The following KCNMA1 variants were observed in gnomAD, a reference collection of about 807,000 sequenced individuals.
KCNMA1 encodes the protein potassium calcium-activated channel subfamily M alpha 1, also known as Calcium-activated potassium channel subunit alpha-1.
Under a neutral mutation model 140.0 loss-of-function variants are expected in KCNMA1, and 29 were observed. That is an observed-to-expected ratio of 0.21 (90% CI 0.15 to 0.28). KCNMA1 has a LOEUF of 0.28. Among genes scored for constraint, KCNMA1 ranks in the 10% least tolerant of loss-of-function variants. KCNMA1 has a pLI of 1.00. For missense variants in KCNMA1, 880 were observed against 1,602.2 expected, an observed-to-expected ratio of 0.55 and a Z score of 7.70; for synonymous variants, 612 against 611.9, an observed-to-expected ratio of 1.00 and a Z score of 0.00.
chr10:77,275,778 G>A (rs528369800), intron 2 of KCNMA1, among the ~76,000 whole-genome samples: 1 of 152,198 alleles, frequency 6.6e-6, no homozygotes, highest in East Asian at 1.9e-4. Context: ...TAGATGAGAG[G>A]AGCACAGGAC....
intron 1 of KCNMA1, among the ~76,000 whole-genome samples, chr10:77,463,318 T>C (rs1464600543): frequency 1.3e-5 from 2 of 152,178 alleles, no homozygotes; most frequent in Non-Finnish European, 2.9e-5. Context: ...ACCATCACAC[T>C]GTACTGTGTT....
chr10:77,320,250 C>T (rs770263828), intron 2 of KCNMA1, among the ~76,000 whole-genome samples: 1 of 151,336 alleles, frequency 6.6e-6, no homozygotes, highest in Non-Finnish European at 1.5e-5. Context: ...AAGAAATATG[C>T]TCTGGGAAGT....
At chr10:77,247,284 C>T (rs2058742929) in intron 3 of KCNMA1, among the ~76,000 whole-genome samples, 1 of 152,202 alleles carries the variant, frequency 6.6e-6, no homozygotes, top group Non-Finnish European at 1.5e-5. Flanking sequence ...TCTGTCTCTT[C>T]CAACTTTCTC....
chr10:77,563,990 G>A (rs1025483387), intron 1 of KCNMA1, among the ~76,000 whole-genome samples: 1 of 152,210 alleles, frequency 6.6e-6, no homozygotes, highest in Non-Finnish European at 1.5e-5. Context: ...GATGTGAACA[G>A]GCTTCAGAAT....
intron 1 of KCNMA1, among the ~76,000 whole-genome samples, chr10:77,547,667 C>A (rs747427113): frequency 7.9e-5 from 12 of 152,188 alleles, no homozygotes; most frequent in Non-Finnish European, 4.4e-5. Context: ...AGTAAATATT[C>A]TCTTAAAAAG....
At chr10:77,050,650 A>C (rs531972921) in intron 14 of KCNMA1, among the ~76,000 whole-genome samples, 1 of 152,320 alleles carries the variant, frequency 6.6e-6, no homozygotes, top group African/African-American at 2.4e-5. Context: ...ATGAGTCTGC[A>C]TTTCTAACAA....
chr10:77,555,446 C>A (rs949464070), intron 1 of KCNMA1, among the ~76,000 whole-genome samples: 4 of 152,098 alleles, frequency 2.6e-5, no homozygotes, highest in Non-Finnish European at 5.9e-5. Flanking sequence ...AAGGAAGAGC[C>A]AACCTCTCTT....
At chr10:77,398,260 T>C (rs1000775440) in intron 2 of KCNMA1, among the ~76,000 whole-genome samples, 2 of 152,172 alleles carry the variant, frequency 1.3e-5, no homozygotes, top group Non-Finnish European at 2.9e-5. Flanking sequence ...AAGTTCTGTT[T>C]TCACTTCTTT....
chr10:77,328,991 C>T (rs998180687), intron 2 of KCNMA1, among the ~76,000 whole-genome samples: 1 of 152,022 alleles, frequency 6.6e-6, no homozygotes, highest in Admixed American at 6.5e-5. Context: ...CAGGCGCCTG[C>T]CACCATGCCC....
chr10:77,131,662 C>T (rs954805176), intron 5 of KCNMA1, among the ~76,000 whole-genome samples: 2 of 151,132 alleles, frequency 1.3e-5, no homozygotes, highest in African/African-American at 2.4e-5. Flanking sequence ...GCATTCTCTT[C>T]GTGAAAATTT....
intron 2 of KCNMA1, among the ~76,000 whole-genome samples, chr10:77,293,067 G>C (rs1368787673): frequency 6.6e-6 from 1 of 152,150 alleles, no homozygotes; most frequent in Non-Finnish European, 1.5e-5. Context: ...GTAGGTCAAA[G>C]GTCTCCCAGG....
At chr10:77,554,615 A>AAAG (rs2063720874) in intron 1 of KCNMA1, among the ~76,000 whole-genome samples, 1 of 144,712 alleles carries the variant, frequency 6.9e-6, no homozygotes, top group Non-Finnish European at 1.5e-5. Flanking sequence ...AAAAAAAAAA[A>AAAG]AAAGAAAGAA....
intron 1 of KCNMA1, among the ~76,000 whole-genome samples, chr10:77,511,971 A>T (rs1280160962): frequency 6.6e-6 from 1 of 152,212 alleles, no homozygotes; most frequent in Non-Finnish European, 1.5e-5. Context: ...TGATAATGCC[A>T]AGGCAGCAGG....
At chr10:77,090,665 A>G in intron 9 of KCNMA1, 155 bp from the exon 10 acceptor site, 6 of 660,596 alleles carry the variant, frequency 9.1e-6, no homozygotes, top group Non-Finnish European at 1.6e-5. Flanking sequence ...CCCAGAGGGC[A>G]GTGAGGCAAA....
chr10:77,146,642 C>T (rs1024960528), intron 5 of KCNMA1, among the ~76,000 whole-genome samples: 1 of 127,230 alleles, frequency 7.9e-6, no homozygotes, highest in African/African-American at 3.0e-5. Flanking sequence ...GTGGAGGTTG[C>T]AGTGAGCGGA....
At chr10:77,418,613 C>T (rs939511907) in intron 1 of KCNMA1, among the ~76,000 whole-genome samples, 4 of 152,122 alleles carry the variant, frequency 2.6e-5, no homozygotes, top group African/African-American at 4.8e-5. Flanking sequence ...GGAGGATACC[C>T]TTGACAAAGT....
chr10:77,191,736 A>G (rs1475380690), intron 3 of KCNMA1, among the ~76,000 whole-genome samples: 1 of 152,132 alleles, frequency 6.6e-6, no homozygotes, highest in Non-Finnish European at 1.5e-5. Flanking sequence ...TTAATCTTAA[A>G]ACATTTTTCT....
intron 1 of KCNMA1, among the ~76,000 whole-genome samples, chr10:77,568,772 T>C (rs1328855339): frequency 6.6e-6 from 1 of 151,108 alleles, no homozygotes; most frequent in Non-Finnish European, 1.5e-5. Context: ...GGGTATTCAA[T>C]TAGAAAAAGA....
At chr10:77,084,815 TG>T in intron 11 of KCNMA1, 96 bp from the exon 12 acceptor site, 1 of 855,596 alleles carries the variant, frequency 1.2e-6, no homozygotes, top group Non-Finnish European at 1.9e-6. Context: ...GGGGAAGCTT[TG>T]CAAAGAAAAA....
Sources: allele counts gnomAD v4.1 joint callset (sites outside exome capture counted in the v4.1 genomes callset), GRCh38; gene constraint gnomAD v4.1.1; transcripts MANE v1.5; gene names NCBI Gene and HGNC (gene_info 2026-07-23, HGNC 2026-07-21).